The following EVA1A variants were observed in gnomAD, a reference collection of about 807,000 sequenced individuals.
EVA1A encodes the protein protein eva-1 homolog A.
A neutral mutation model predicts 9.8 loss-of-function variants in EVA1A; 7 were observed. That is an observed-to-expected ratio of 0.71 (90% CI 0.41 to 1.34). EVA1A has a LOEUF of 1.34. EVA1A is among the 40% of genes most tolerant of loss of function. EVA1A has a pLI of 0.01. For synonymous variants in EVA1A, 90 were observed against 85.6 expected, an observed-to-expected ratio of 1.05 and a Z score of -0.28; for missense variants, 206 against 205.9, an observed-to-expected ratio of 1.00 and a Z score of 0.00.
At chr2:75,558,425 C>T (rs1026306549) in intron 1 of EVA1A, 38 of 152,062 alleles carry the variant, frequency 2.5e-4, no homozygotes, top group Admixed American at 2.4e-3. Context: ...CTGTGAGCAT[C>T]GACGGCACTA....
intron 2 of EVA1A, 125 bp from the exon 3 acceptor site, chr2:75,518,333 TG>T: frequency 1.9e-6 from 2 of 1,069,406 alleles, no homozygotes; most frequent in Non-Finnish European, 2.6e-6. Context: ...TTTGGGGCTT[TG>T]GAAACTACAG....
intron 1 of EVA1A, among the ~76,000 whole-genome samples, chr2:75,555,323 CT>C (rs1676670111): frequency 1.4e-5 from 2 of 147,972 alleles, no homozygotes; most frequent in Non-Finnish European, 1.5e-5. Context: ...CTCTCTCTCT[CT>C]CTCTCTCTCT....
chr2:75,513,351 C>T (rs1047144352), intron 3 of EVA1A, among the ~76,000 whole-genome samples: 7 of 152,198 alleles, frequency 4.6e-5, no homozygotes, highest in African/African-American at 1.7e-4. Flanking sequence ...TCATGCTATA[C>T]ATTAGAACTC....
chr2:75,555,920 C>G (rs181109696), intron 1 of EVA1A, among the ~76,000 whole-genome samples: 1 of 152,336 alleles, frequency 6.6e-6, no homozygotes, highest in Admixed American at 6.5e-5. Flanking sequence ...CTCAAACATC[C>G]TCTTCTCTCT....
At chr2:75,537,093 A>C (rs1217574739) in intron 1 of EVA1A, among the ~76,000 whole-genome samples, 1 of 152,224 alleles carries the variant, frequency 6.6e-6, no homozygotes, top group South Asian at 2.1e-4. Flanking sequence ...GGAACGTATA[A>C]AAAGGATTTT....
At chr2:75,533,985 TGTATTTTTA>T (rs1401976316) in intron 1 of EVA1A, among the ~76,000 whole-genome samples, 5 of 151,884 alleles carry the variant, frequency 3.3e-5, no homozygotes, top group Non-Finnish European at 7.4e-5. Context: ...CTAATTTTTT[TGTATTTTTA>T]GTAGAGACGG....
intron 3 of EVA1A, among the ~76,000 whole-genome samples, chr2:75,507,941 A>T (rs1674675867): frequency 6.6e-6 from 1 of 152,242 alleles, no homozygotes; most frequent in East Asian, 1.9e-4. Context: ...TGAAGATTTC[A>T]TGGACATTTA....
chr2:75,499,677 A>G (rs1309024987), intron 3 of EVA1A, among the ~76,000 whole-genome samples: 1 of 152,112 alleles, frequency 6.6e-6, no homozygotes, highest in Non-Finnish European at 1.5e-5. Flanking sequence ...CCCAATTGCT[A>G]ACAGAATTGA....
At chr2:75,536,095 T>C (rs1013732692) in intron 1 of EVA1A, among the ~76,000 whole-genome samples, 2 of 152,172 alleles carry the variant, frequency 1.3e-5, no homozygotes, top group African/African-American at 2.4e-5. Context: ...TACATGGTTT[T>C]TTATAGCCAA....
upstream of EVA1A, among the ~76,000 whole-genome samples, chr2:75,565,701 G>A (rs950598941): frequency 2.0e-5 from 3 of 152,220 alleles, no homozygotes; most frequent in African/African-American, 7.2e-5. Flanking sequence ...ATCTCCAGGA[G>A]TGATGGAGCA....
chr2:75,549,762 G>A (rs573332389), intron 1 of EVA1A, among the ~76,000 whole-genome samples: 24 of 152,318 alleles, frequency 1.6e-4, no homozygotes, highest in East Asian at 3.9e-4. Context: ...GCCATTTCCC[G>A]TGTGGCCTTT....
At chr2:75,514,679 A>G (rs1324351745) in intron 3 of EVA1A, among the ~76,000 whole-genome samples, 3 of 152,158 alleles carry the variant, frequency 2.0e-5, no homozygotes, top group African/African-American at 7.2e-5. Context: ...TTATTTACCT[A>G]GTAGCATGTC....
At chr2:75,568,067 AG>A (rs1233776972) in intron 1 of EVA1A, among the ~76,000 whole-genome samples, 1 of 152,182 alleles carries the variant, frequency 6.6e-6, no homozygotes, top group Non-Finnish European at 1.5e-5. Context: ...TGAGATGTGC[AG>A]GGCAACAGAG....
In EVA1A at chr2:75,496,118, A is replaced by T. The variant is rs116056111; in HGVS notation, c.86-2509T>A. Among the ~76,000 whole-genome samples, 281 of 152,198 alleles carry T rather than the reference A, an allele frequency of 1.8e-3. 6 individuals are homozygous for T. The highest frequency in any genetic ancestry group is 6.6e-3 in the African/African-American group (272 of 41,512). ...TGGGAGGATCAGTGTAGATAATGCA[A>T]GTGAAAGTGCTTGGTAAACGTTCCT... is the stretch of plus-strand genomic sequence containing the variant. On this transcript the variant is annotated intron_variant, in intron 3 of 3. Transcript: ENST00000393913.
chr2:75,518,255 G>A, intron 2 of EVA1A, 47 bp from the exon 3 acceptor site: 1 of 1,488,550 alleles, frequency 6.7e-7, no homozygotes, highest in African/African-American at 1.4e-5. Context: ...CTGCTGTCCT[G>A]AGGCCATGTT....
At chr2:75,503,822 A>G (rs1213517432) in intron 3 of EVA1A, among the ~76,000 whole-genome samples, 1 of 152,138 alleles carries the variant, frequency 6.6e-6, no homozygotes, top group African/African-American at 2.4e-5. Context: ...GTACAAATAT[A>G]CAGTTAGATA....
chr2:75,530,441 C>T (rs767712384), intron 1 of EVA1A, among the ~76,000 whole-genome samples: 5 of 151,924 alleles, frequency 3.3e-5, no homozygotes, highest in Non-Finnish European at 5.9e-5. Flanking sequence ...CAGGAAAAGG[C>T]GTAACAAAAT....
In EVA1A at chr2:75,503,043, C is replaced by T. The variant is rs538174244; in HGVS notation, c.86-9434G>A. On this transcript the variant is annotated intron_variant, in intron 3 of 3. Coordinates refer to ENST00000393913, the MANE Select transcript of EVA1A (RefSeq NM_001135032.2). ...TTAATGAGTCCACCTTGTCCTGCCTCCCAGATCAGAAAACATCCCCTTTTG... is the reference window on the plus strand; with the variant it reads ...TTAATGAGTCCACCTTGTCCTGCCTTCCAGATCAGAAAACATCCCCTTTTG... Among the ~76,000 whole-genome samples the T allele has an allele frequency of 3.0e-4, 45 of 152,266 alleles. 1 individual carries two copies. The highest frequency in any genetic ancestry group is 1.0e-3 in the African/African-American group (42 of 41,548).
At chr2:75,558,687 A>G (rs1248752619) in intron 1 of EVA1A, 1 of 152,230 alleles carries the variant, frequency 6.6e-6, no homozygotes, top group Non-Finnish European at 1.5e-5. Flanking sequence ...AGGGCATTCC[A>G]AAAAGTCAGG....
Sources: gnomAD v4.1 joint callset for allele counts (sites outside exome capture counted in the v4.1 genomes callset) on GRCh38, gnomAD v4.1.1 for gene constraint, MANE v1.5 for transcripts, NCBI Gene and HGNC (gene_info 2026-07-23, HGNC 2026-07-21) for gene names.